Variants in BMPR2 observed in about 807,000 individuals in gnomAD.
The protein encoded by BMPR2 is bone morphogenetic protein receptor type 2, also known as bone morphogenetic protein receptor type-2.
In BMPR2, 29 loss-of-function variants were observed where a neutral mutation model predicts 100.8. The ratio of observed to expected loss-of-function variants is 0.29; its 90% CI spans 0.21 to 0.39. The LOEUF (loss-of-function observed/expected upper bound fraction) is 0.39, where lower values mean the gene tolerates loss of function less well. Among genes scored for constraint, BMPR2 ranks in the 10% least tolerant of loss-of-function variants. The probability of loss-of-function intolerance (pLI) is 1.00; values close to 1 mark genes in which losing one functional copy is unlikely to be tolerated. For synonymous variants in BMPR2, 382 were observed against 442.3 expected (o/e 0.86, Z 1.71); for missense variants, 1,011 against 1,274.5 (o/e 0.79, Z 3.15).
At chr2:202,417,706 T>A (rs1422787110) in intron 1 of BMPR2, among the ~76,000 whole-genome samples, 1 of 151,596 alleles carries the variant, frequency 6.6e-6, no homozygotes, top group Non-Finnish European at 1.5e-5. Context: ...ATCATGGCTT[T>A]TTCTATATTC....
chr2:202,389,581 A>G (rs899697590), intron 1 of BMPR2, among the ~76,000 whole-genome samples: 3 of 149,764 alleles, frequency 2.0e-5, no homozygotes, highest in African/African-American at 7.3e-5. Context: ...CATTTCTTTT[A>G]AAAAACTTTT....
At chr2:202,386,399 C>G (rs1364225620) in intron 1 of BMPR2, among the ~76,000 whole-genome samples, 1 of 152,212 alleles carries the variant, frequency 6.6e-6, no homozygotes, top group East Asian at 1.9e-4. Context: ...AATGTCAGTT[C>G]TATCCTTCCA....
chr2:202,380,854 G>A (rs535214117), intron 1 of BMPR2, among the ~76,000 whole-genome samples: 1 of 151,382 alleles, frequency 6.6e-6, no homozygotes, highest in African/African-American at 2.4e-5. Flanking sequence ...CCTGATCTCA[G>A]GTGATCTGCC....
chr2:202,426,425 A>G (rs1691384965), intron 1 of BMPR2, among the ~76,000 whole-genome samples: 1 of 152,004 alleles, frequency 6.6e-6, no homozygotes, highest in Admixed American at 6.6e-5. Context: ...TACTAAAAAT[A>G]CAAAAATTAG....
intron 3 of BMPR2, among the ~76,000 whole-genome samples, chr2:202,498,192 G>T (rs1443412834): frequency 1.3e-5 from 2 of 151,982 alleles, no homozygotes; most frequent in African/African-American, 4.8e-5. Context: ...GGTTTTTGAG[G>T]ATGCGTTGGT....
At chr2:202,554,480 TA>T (rs908316530) in intron 11 of BMPR2, among the ~76,000 whole-genome samples, 2 of 152,180 alleles carry the variant, frequency 1.3e-5, no homozygotes, top group Non-Finnish European at 2.9e-5. Context: ...TCCTGAGTCT[TA>T]CCCTCCATGT....
At chr2:202,434,908 AATATATATATATATATATATAT>A (rs1553500439) in intron 1 of BMPR2, among the ~76,000 whole-genome samples, 1 of 38,414 alleles carries the variant, frequency 2.6e-5, no homozygotes, top group Non-Finnish European at 4.4e-5. Context: ...AAAAAAAAAA[AATATATATATATATATATATAT>A]ATATATTTAT....
At chr2:202,440,154 T>G (rs963284149) in intron 1 of BMPR2, among the ~76,000 whole-genome samples, 1 of 150,802 alleles carries the variant, frequency 6.6e-6, no homozygotes, top group East Asian at 1.9e-4. Flanking sequence ...TGATCTCTCT[T>G]TCTTTTCCCC....
intron 1 of BMPR2, among the ~76,000 whole-genome samples, chr2:202,422,725 G>A (rs1317404270): frequency 6.6e-6 from 1 of 152,138 alleles, no homozygotes; most frequent in Admixed American, 6.6e-5. Context: ...CTCCTAGGCT[G>A]GAGTGCAGTG....
intron 1 of BMPR2, among the ~76,000 whole-genome samples, chr2:202,450,223 C>A (rs892475282): frequency 6.6e-6 from 1 of 152,128 alleles, no homozygotes; most frequent in African/African-American, 2.4e-5. Context: ...TTGAGAACAT[C>A]CTGAGCAGGT....
chr2:202,401,178 GT>G (rs1262083036), intron 1 of BMPR2, among the ~76,000 whole-genome samples: 6 of 152,200 alleles, frequency 3.9e-5, no homozygotes, highest in African/African-American at 7.2e-5. Flanking sequence ...CTCAGCAGTA[GT>G]GAGTGAAGGA....
chr2:202,506,470 G>A (rs1049823411), intron 3 of BMPR2, among the ~76,000 whole-genome samples: 1 of 151,872 alleles, frequency 6.6e-6, no homozygotes, highest in African/African-American at 2.4e-5. Flanking sequence ...GTTTTGTTTT[G>A]TTTTGTTTTT....
chr2:202,468,118 C>T (rs756681943), intron 3 of BMPR2, among the ~76,000 whole-genome samples: 2 of 152,042 alleles, frequency 1.3e-5, no homozygotes, highest in Non-Finnish European at 2.9e-5. Context: ...TGGCAAACAC[C>T]TGAAATCCGA....
At chr2:202,505,144 AC>A (rs1687494087) in intron 3 of BMPR2, 1 of 156,698 alleles carries the variant, frequency 6.4e-6, no homozygotes, top group African/African-American at 2.4e-5. Context: ...TTTTCAAAAC[AC>A]CAATAGCTGT....
intron 12 of BMPR2, among the ~76,000 whole-genome samples, chr2:202,557,684 A>G (rs1299098916): frequency 2.6e-5 from 4 of 152,106 alleles, no homozygotes; most frequent in Non-Finnish European, 5.9e-5. Context: ...AAAAATAAAT[A>G]AGCCATTTGG....
chr2:202,523,259 G>A (rs375973920), intron 7 of BMPR2, among the ~76,000 whole-genome samples: 23 of 152,130 alleles, frequency 1.5e-4, no homozygotes, highest in African/African-American at 3.9e-4. Flanking sequence ...TGGAGAAAGC[G>A]GAACACTTAT....
intron 1 of BMPR2, among the ~76,000 whole-genome samples, chr2:202,421,084 T>C (rs1691252772): frequency 6.6e-6 from 1 of 151,330 alleles, no homozygotes; most frequent in African/African-American, 2.4e-5. Flanking sequence ...ACCCCGTCTC[T>C]ACAAAAATAC....
In BMPR2 at chr2:202,552,794, G is replaced by C. The variant is rs757981921; in HGVS notation, c.1492G>C (p.Glu498Gln). The C allele has an allele frequency of 6.2e-7, 1 of 1,614,182 alleles. No individual in the cohort carries two copies. Among genetic ancestry groups the C allele is most frequent in the Admixed American group, 1.7e-5 (1 of 60,024 alleles). Residue 498 changes from glutamate to glutamine, a missense_variant, in exon 11 of 13, where the codon GAG (glutamate) becomes CAG (glutamine). Around this residue, in one of 6 missense-constraint regions of BMPR2, gnomAD observed 83 missense variants for 140.7 expected, o/e 0.59. Coordinates refer to ENST00000374580, the MANE Select transcript of BMPR2 (RefSeq NM_001204.7). Reference sequence around the variant, plus strand: ...GGCTCGGCTTACTGCACAGTGTGCTGAGGAAAGGATGGCTGAACTTATGAT... The same window carrying C: ...GGCTCGGCTTACTGCACAGTGTGCTCAGGAAAGGATGGCTGAACTTATGAT... Reference protein sequence around the residue: ...AEARLTAQCAEERMAELMMIW... With the variant: ...AEARLTAQCAQERMAELMMIW...
chr2:202,511,586 T>C (rs902932654), intron 3 of BMPR2, among the ~76,000 whole-genome samples: 2 of 152,222 alleles, frequency 1.3e-5, no homozygotes, highest in Non-Finnish European at 2.9e-5. Flanking sequence ...TTTTCTTTTT[T>C]TTTAATTGTA....
Sources: gnomAD v4.1 joint callset for allele counts (sites outside exome capture counted in the v4.1 genomes callset) on GRCh38, gnomAD v4.1.1 for gene constraint, gnomAD v4.1.1 regional missense constraint, MANE v1.5 for transcripts, NCBI Gene and HGNC (gene_info 2026-07-23, HGNC 2026-07-21) for gene names.